EPHX1: variants seen among roughly 807,000 people sequenced by gnomAD.
EPHX1 encodes the protein epoxide hydratase.
In EPHX1, 40 loss-of-function variants were observed where a neutral mutation model predicts 43.2. That is an observed-to-expected ratio of 0.93 (90% confidence interval 0.72 to 1.21). EPHX1 has a LOEUF of 1.21. Ranked by LOEUF, EPHX1 falls within the 50% of genes most tolerant of loss-of-function variation. EPHX1 has a pLI of 0.00. For missense variants in EPHX1, 550 were observed against 570.4 expected, an observed-to-expected ratio of 0.96 and a Z score of 0.36; for synonymous variants, 221 against 226.7, an observed-to-expected ratio of 0.98 and a Z score of 0.22.
intron 3 of EPHX1, among the ~76,000 whole-genome samples, chr1:225,833,835 C>T (rs548760776): frequency 4.0e-4 from 60 of 148,446 alleles, no homozygotes; most frequent in East Asian, 2.0e-3. Flanking sequence ...CCGTGGCTCA[C>T]GCCTGTAATC....
At chr1:225,828,615 G>A (rs1667392549) in intron 1 of EPHX1, 110 bp from the exon 2 acceptor site, 20 of 908,092 alleles carry the variant, frequency 2.2e-5, no homozygotes, top group Non-Finnish European at 2.9e-5. Context: ...ATAAAATCAG[G>A]GACAGGGTTG....
rs199979074 is a variant in EPHX1, at chr1:225,838,754, C to T, written c.465C>T (p.Tyr155=). The T allele has an allele frequency of 4.5e-5, 73 of 1,614,206 alleles. No homozygotes were observed. Among genetic ancestry groups the T allele is most frequent in the African/African-American group, 1.6e-4 (12 of 75,046 alleles). ...LMVHGWPGSF[Y]EFYKIIPLLT... ...TGCACGGCTGGCCCGGCTCTTTCTA[C>T]GAGTTTTATAAGATCATCCCACTCC... Residue 155 remains tyrosine, a synonymous_variant, in exon 4 of 9, where the codon TAC becomes TAT. Transcript: ENST00000272167.
intron 1 of EPHX1, among the ~76,000 whole-genome samples, chr1:225,821,617 G>A (rs2102695392): frequency 7.7e-6 from 1 of 130,228 alleles, no homozygotes; most frequent in Non-Finnish European, 1.6e-5. Context: ...TCAGGCTGGA[G>A]TGCAGTGATC....
chr1:225,828,574 A>G (rs1477736784), intron 1 of EPHX1, among the ~76,000 whole-genome samples, 151 bp from the exon 2 acceptor site: 1 of 149,438 alleles, frequency 6.7e-6, no homozygotes, highest in Non-Finnish European at 1.5e-5. Context: ...GTATATATAT[A>G]TATAATATGT....
rs1668778935 is a variant in EPHX1 at position 225,844,686 on chromosome 1, T to C, written c.1166+63T>C. On this transcript the variant is annotated intron_variant, in intron 8 of 8. Coordinates refer to ENST00000272167, the MANE Select transcript of EPHX1 (RefSeq NM_001136018.4). ...CTGGAGGCAGGGGGACGGCCAGTCTTGGGCTCCACGAAGGGCACTTGGTGG... is the reference window on the plus strand; with the variant it reads ...CTGGAGGCAGGGGGACGGCCAGTCTCGGGCTCCACGAAGGGCACTTGGTGG... 5 of 1,604,432 alleles carry C rather than the reference T, an allele frequency of 3.1e-6. No individual in the cohort carries two copies. The South Asian group carries it at 5.5e-5, about 18-fold the overall frequency.
chr1:225,831,798 A>G lies in EPHX1; in HGVS notation c.203A>G (p.Asp68Gly), dbSNP rs1271762039. 1.9e-6 allele frequency: 3 copies of G among 1,614,094 alleles called. No homozygotes were observed. The highest frequency in any genetic ancestry group is 1.7e-5 in the Admixed American group (1 of 60,018). ...CTCCAGGACTTACACCAGAGGATCG[A>G]TAAGTTCCGTTTCACCCCACCTTTG... ...EEIHDLHQRI[D>G]KFRFTPPLED... Residue 68 changes from aspartate (D) to glycine (G), a missense_variant, in exon 3 of 9, where the codon GAT (aspartate) becomes GGT (glycine). By Grantham distance (94) the Asp-to-Gly change is moderately conservative. Transcript: ENST00000272167.
rs201200303 is a variant in EPHX1, at chr1:225,838,650, C to A, written c.365-4C>A. 1 of 1,613,330 alleles carries A rather than the reference C, an allele frequency of 6.2e-7. No individual in the cohort carries two copies. Among genetic ancestry groups the A allele is most frequent in the African/African-American group, 1.3e-5 (1 of 75,024 alleles). ...TCCACCCTGACTGTGCTCTGTCCCC[C>A]CAGGGCTGGACATCCACTTCATCCA... is the stretch of plus-strand genomic sequence containing the variant. On this transcript the variant is annotated splice_region_variant and splice_polypyrimidine_tract_variant and intron_variant, in intron 3 of 8. Coordinates refer to ENST00000272167, the MANE Select transcript of EPHX1 (RefSeq NM_001136018.4).
At chr1:225,810,326 C>T (rs771926085) in intron 1 of EPHX1, 157 bp downstream of exon 1, 6 of 152,018 alleles carry the variant, frequency 3.9e-5, no homozygotes, top group African/African-American at 9.7e-5. Context: ...GTAGTTGGTC[C>T]GCCCCCAGCT....
At position 225,817,301 on chromosome 1, in the gene EPHX1, T is replaced by C. The variant is rs1042952687; in HGVS notation, c.-6+7132T>C. 6.6e-6 allele frequency among the ~76,000 whole-genome samples: 1 copy of C among 152,184 alleles called. No homozygotes were observed. The highest frequency in any genetic ancestry group is 2.4e-5 in the African/African-American group (1 of 41,452). On this transcript the variant is annotated intron_variant, in intron 1 of 8. Coordinates refer to ENST00000272167, the MANE Select transcript of EPHX1 (RefSeq NM_001136018.4). The surrounding 1 kb of genome is among the most constrained non-coding windows in gnomAD (Gnocchi z 5.7). Reference sequence around the variant, plus strand: ...GGGAGTGGGGCTGGGAGCTTCAGGATGGCTTTTGGGAAGCCCCTGGGAGCC... The same window carrying C: ...GGGAGTGGGGCTGGGAGCTTCAGGACGGCTTTTGGGAAGCCCCTGGGAGCC...
chr1:225,816,540 G>C (rs1204638483), intron 1 of EPHX1, among the ~76,000 whole-genome samples: 1 of 152,208 alleles, frequency 6.6e-6, no homozygotes, highest in East Asian at 1.9e-4. Context: ...AAGAGCTCAT[G>C]AGCCCTGCAG....
intron 1 of EPHX1, among the ~76,000 whole-genome samples, chr1:225,827,780 G>A (rs999761046): frequency 1.2e-4 from 18 of 152,162 alleles, no homozygotes; most frequent in Admixed American, 9.8e-4. Flanking sequence ...TTAAATGGGC[G>A]AATTGTATGG....
chr1:225,822,218 A>G (rs1010631234), intron 1 of EPHX1, among the ~76,000 whole-genome samples: 5 of 152,248 alleles, frequency 3.3e-5, no homozygotes, highest in Middle Eastern at 3.4e-3. Flanking sequence ...AATGACCACT[A>G]TCTTCCAGTC....
intron 3 of EPHX1, among the ~76,000 whole-genome samples, chr1:225,834,346 A>G (rs1367379474): frequency 6.6e-6 from 1 of 151,978 alleles, no homozygotes; most frequent in Non-Finnish European, 1.5e-5. Context: ...CGGAGGTTGC[A>G]GTGAGCCGAG....
At position 225,817,246 on chromosome 1, in the gene EPHX1, G is replaced by T. The variant is rs1666766737; in HGVS notation, c.-6+7077G>T. Among the ~76,000 whole-genome samples the T allele has an allele frequency of 6.6e-6, 1 of 152,180 alleles. No individual in the cohort carries two copies. The stretch of plus-strand genomic sequence containing the variant: ...GGAGAAGCTGGGAGTTCCCCCCAGG[G>T]TTTGCCTCCGTCACTCTTGGGCCAG... On this transcript the variant is annotated intron_variant, in intron 1 of 8. Transcript: ENST00000272167. This position sits in a 1 kb window ranked among gnomAD's most constrained non-coding sequence, Gnocchi z 5.7.
At chr1:225,824,119 T>C (rs777570586) in intron 1 of EPHX1, among the ~76,000 whole-genome samples, 2 of 152,180 alleles carry the variant, frequency 1.3e-5, no homozygotes, top group Admixed American at 6.5e-5. Context: ...CCTGGACTCA[T>C]TGGTCAGACT....
At chr1:225,815,433 T>TTTTTTTA (rs1666678296) in intron 1 of EPHX1, among the ~76,000 whole-genome samples, 1 of 104,556 alleles carries the variant, frequency 9.6e-6, no homozygotes, top group African/African-American at 3.9e-5. Flanking sequence ...TTTTTTTTTT[T>TTTTTTTA]GTAGAGACAA....
At chr1:225,839,726 G>A in intron 5 of EPHX1, 103 bp from the exon 6 acceptor site, 1 of 1,270,010 alleles carries the variant, frequency 7.9e-7, no homozygotes. Context: ...GGCTGGCTCT[G>A]TGCTCGCTCC....
chr1:225,842,571 A>G lies in EPHX1; in HGVS notation c.1040+97A>G, dbSNP rs111346039. The G allele has an allele frequency of 1.8e-4, 162 of 897,386 alleles. No homozygotes were observed. The African/African-American group carries it at 2.3e-3, about 13-fold the overall frequency. 55.6% of individuals were successfully genotyped at this position (897,386 alleles called of 1,614,324 possible). A position where few individuals can be genotyped will look rare whatever the true frequency, so the allele number is the denominator to read the frequency against. On this transcript the variant is annotated intron_variant, in intron 7 of 8. Coordinates refer to ENST00000272167, the MANE Select transcript of EPHX1 (RefSeq NM_001136018.4). ...CTTGTCTGGTTGCTCTGCATGGGGC[A>G]CTCAGCAAATTCTATTGTTGGCTTT...
At position 225,817,889 on chromosome 1, in the gene EPHX1, C is replaced by CT. The variant is rs1366066118; in HGVS notation, c.-6+7723dup. ...GCACTTTACTGCGATTTTAGGAGCACTTTCTTGTGGTGAGGTTCTGACTGC... is the reference window on the plus strand; with the variant it reads ...GCACTTTACTGCGATTTTAGGAGCACTTTTCTTGTGGTGAGGTTCTGACTGC... On this transcript the variant is annotated intron_variant, in intron 1 of 8. Transcript: ENST00000272167. This position sits in a 1 kb window ranked among gnomAD's most constrained non-coding sequence, Gnocchi z 5.7. Among the ~76,000 whole-genome samples, 3 of 152,240 alleles carry CT rather than the reference C, an allele frequency of 2.0e-5. No individual in the cohort carries two copies. The highest frequency in any genetic ancestry group is 2.0e-4 in the Admixed American group (3 of 15,282).
Sources: gnomAD v4.1 joint callset for allele counts (sites outside exome capture counted in the v4.1 genomes callset) on GRCh38, gnomAD v4.1.1 for gene constraint, Gnocchi (gnomAD v3.1) non-coding constraint, MANE v1.5 for transcripts, NCBI Gene and HGNC (gene_info 2026-07-23, HGNC 2026-07-21) for gene names.